Variants in ADK observed in about 807,000 individuals in gnomAD.
ADK encodes the protein N6,N6-dimethyladenosine kinase.
Under a neutral mutation model 44.7 loss-of-function variants are expected in ADK, and 24 were observed. The observed-to-expected ratio is 0.54, with a 90% CI of 0.39 to 0.76. The LOEUF is 0.76. Among genes scored for constraint, ADK ranks in the 30% least tolerant of loss-of-function variants. ADK has a pLI of 0.00. For synonymous variants in ADK, 128 were observed against 142.6 expected (o/e 0.90, Z 0.73); for missense variants, 321 against 425.1 (o/e 0.76, Z 2.15).
intron 1 of ADK, among the ~76,000 whole-genome samples, chr10:74,156,083 C>T (rs953803695): frequency 6.6e-6 from 1 of 151,952 alleles, no homozygotes; most frequent in East Asian, 1.9e-4. Context: ...ACTAGTGCAG[C>T]GTGAGGGTGG....
intron 6 of ADK, among the ~76,000 whole-genome samples, chr10:74,501,368 A>G (rs1002184420): frequency 6.6e-6 from 1 of 152,208 alleles, no homozygotes; most frequent in African/African-American, 2.4e-5. Flanking sequence ...TCTTCATCAT[A>G]TATAAAATTT....
intron 1 of ADK, among the ~76,000 whole-genome samples, chr10:74,161,770 A>G (rs918087961): frequency 7.2e-5 from 11 of 151,762 alleles, no homozygotes; most frequent in East Asian, 1.9e-4. Context: ...CAGTGGTACA[A>G]TCATGGCTCA....
chr10:74,368,881 G>A (rs545200613), intron 4 of ADK, among the ~76,000 whole-genome samples: 17 of 152,208 alleles, frequency 1.1e-4, no homozygotes, highest in Admixed American at 5.2e-4. Context: ...GCCTGCCTTA[G>A]CCTCCCAAAG....
intron 9 of ADK, among the ~76,000 whole-genome samples, chr10:74,620,992 A>T (rs1049695806): frequency 3.3e-5 from 5 of 151,962 alleles, no homozygotes; most frequent in Non-Finnish European, 7.4e-5. Flanking sequence ...AGTAAGTTGT[A>T]TGTATTTTTT....
chr10:74,543,791 A>C (rs1204985531), intron 7 of ADK, among the ~76,000 whole-genome samples: 1 of 152,214 alleles, frequency 6.6e-6, no homozygotes, highest in Non-Finnish European at 1.5e-5. Flanking sequence ...TTAGCACAGT[A>C]AAAGTAATCC....
chr10:74,639,774 T>C (rs902450996), intron 9 of ADK, among the ~76,000 whole-genome samples: 3 of 152,078 alleles, frequency 2.0e-5, no homozygotes, highest in South Asian at 4.2e-4. Context: ...AGGCAGAGGT[T>C]GCGGTGAGCC....
chr10:74,431,964 G>A (rs181201869), intron 6 of ADK, among the ~76,000 whole-genome samples: 129 of 152,190 alleles, frequency 8.5e-4, no homozygotes, highest in Non-Finnish European at 1.4e-3. Context: ...AGGCCAAGGC[G>A]GGAGGATCCC....
intron 4 of ADK, among the ~76,000 whole-genome samples, chr10:74,387,425 A>G (rs1290003489): frequency 6.6e-6 from 1 of 152,218 alleles, no homozygotes; most frequent in East Asian, 1.9e-4. Context: ...ATTAGGAAAT[A>G]AACACTTTTG....
At chr10:74,294,487 G>A (rs1273235162) in intron 3 of ADK, among the ~76,000 whole-genome samples, 7 of 152,132 alleles carry the variant, frequency 4.6e-5, no homozygotes, top group Middle Eastern at 3.4e-3. Flanking sequence ...GGGTTTCACC[G>A]TGTTGGCCAG....
intron 3 of ADK, among the ~76,000 whole-genome samples, chr10:74,297,617 C>CT (rs1839864209): frequency 6.6e-6 from 1 of 152,180 alleles, no homozygotes; most frequent in Admixed American, 6.5e-5. Flanking sequence ...GGTTGGCAAA[C>CT]TATGAGCTGT....
At chr10:74,371,840 C>G (rs1368582222) in intron 4 of ADK, 1 of 1,311,728 alleles carries the variant, frequency 7.6e-7, no homozygotes, top group Non-Finnish European at 1.1e-6. Flanking sequence ...TTGTTGGCCA[C>G]TTCACTCCTG....
chr10:74,674,743 A>G (rs1242233361), intron 10 of ADK, among the ~76,000 whole-genome samples: 1 of 152,086 alleles, frequency 6.6e-6, no homozygotes, highest in Admixed American at 6.6e-5. Context: ...TTAGCCGGGC[A>G]TGGCGTTGCA....
At chr10:74,321,400 C>T (rs993433964) in intron 4 of ADK, among the ~76,000 whole-genome samples, 44 of 151,976 alleles carry the variant, frequency 2.9e-4, no homozygotes, top group African/African-American at 9.7e-4. Context: ...TCTCCTGCCT[C>T]AGCCTCCTGA....
intron 6 of ADK, among the ~76,000 whole-genome samples, chr10:74,446,614 T>C (rs1287607937): frequency 6.6e-6 from 1 of 152,168 alleles, no homozygotes; most frequent in Non-Finnish European, 1.5e-5. Context: ...AGAAGGTGGA[T>C]AATTGTACAT....
chr10:74,180,707 C>T (rs1842520959), intron 1 of ADK, among the ~76,000 whole-genome samples: 2 of 152,210 alleles, frequency 1.3e-5, no homozygotes, highest in Non-Finnish European at 2.9e-5. Context: ...ATCTGCCCGC[C>T]TCAGCCTCCC....
chr10:74,194,889 A>G lies in ADK; in HGVS notation c.66-5875A>G, dbSNP rs188312151. On this transcript the variant is annotated intron_variant, in intron 1 of 10. Transcript: ENST00000539909. Reference sequence around the variant, plus strand: ...TCTGGCATCATAATTAAATGTTTCTATTACTGAGAGGGCTAATCAACATTC... The same window carrying G: ...TCTGGCATCATAATTAAATGTTTCTGTTACTGAGAGGGCTAATCAACATTC... Among the ~76,000 whole-genome samples, 12 of 152,310 alleles carry G rather than the reference A, an allele frequency of 7.9e-5. No homozygotes were observed. The East Asian group carries it at 2.1e-3, about 27-fold the overall frequency.
chr10:74,375,360 T>G (rs1368555324), intron 4 of ADK, among the ~76,000 whole-genome samples: 1 of 152,216 alleles, frequency 6.6e-6, no homozygotes, highest in Non-Finnish European at 1.5e-5. Context: ...TTTGCCATTC[T>G]TTGGTTACTG....
At chr10:74,437,161 T>C (rs1281569985) in intron 6 of ADK, among the ~76,000 whole-genome samples, 1 of 152,164 alleles carries the variant, frequency 6.6e-6, no homozygotes, top group Non-Finnish European at 1.5e-5. Flanking sequence ...TGAAAAACAA[T>C]GTTTAATCAT....
chr10:74,595,753 T>G (rs1851898871), intron 8 of ADK, among the ~76,000 whole-genome samples: 2 of 122,492 alleles, frequency 1.6e-5, no homozygotes, highest in Admixed American at 8.5e-5. Context: ...TCCCAGCACT[T>G]TGGGAGGCCA....
Sources: gnomAD v4.1 joint callset for allele counts (sites outside exome capture counted in the v4.1 genomes callset) on GRCh38, gnomAD v4.1.1 for gene constraint, MANE v1.5 for transcripts, NCBI Gene and HGNC (gene_info 2026-07-23, HGNC 2026-07-21) for gene names.